Variants in SEC22A observed in about 807,000 individuals in gnomAD.
The protein encoded by SEC22A is vesicle-trafficking protein SEC22a.
In SEC22A, 22 loss-of-function variants were observed where a neutral mutation model predicts 35.3. That is an observed-to-expected ratio of 0.62 (90% CI 0.45 to 0.89). SEC22A has a LOEUF of 0.89. Ranked by LOEUF, SEC22A falls within the 40% of genes least tolerant of loss-of-function variation. The probability of loss-of-function intolerance (pLI) is 0.00; values close to 1 mark genes in which losing one functional copy is unlikely to be tolerated. For synonymous variants in SEC22A, 119 were observed against 129.5 expected (o/e 0.92, Z 0.55); for missense variants, 354 against 362.5 (o/e 0.98, Z 0.19).
chr3:123,256,476 C>G (rs1259163842), intron 5 of SEC22A, among the ~76,000 whole-genome samples: 1 of 152,166 alleles, frequency 6.6e-6, no homozygotes, highest in Admixed American at 6.5e-5. Flanking sequence ...CTCTTTGACA[C>G]TGTACGCACT....
At chr3:123,256,166 G>A (rs1937726460) in intron 5 of SEC22A, among the ~76,000 whole-genome samples, 1 of 151,984 alleles carries the variant, frequency 6.6e-6, no homozygotes, top group African/African-American at 2.4e-5. Flanking sequence ...CTCTAATCTA[G>A]GAGCTAATCA....
At chr3:123,232,574 C>G (rs538342966) in intron 4 of SEC22A, among the ~76,000 whole-genome samples, 77 of 152,278 alleles carry the variant, frequency 5.1e-4, no homozygotes, top group African/African-American at 1.7e-3. Context: ...GGGCCAGATG[C>G]TGTGGCTCAC....
At chr3:123,234,243 G>A (rs772206683) in intron 4 of SEC22A, among the ~76,000 whole-genome samples, 1 of 152,216 alleles carries the variant, frequency 6.6e-6, no homozygotes, top group Middle Eastern at 3.4e-3. Flanking sequence ...TAAAAATCCC[G>A]GCTTTTTTTG....
At chr3:123,255,464 T>G (rs977155103) in intron 5 of SEC22A, among the ~76,000 whole-genome samples, 4 of 151,986 alleles carry the variant, frequency 2.6e-5, no homozygotes, top group Non-Finnish European at 5.9e-5. Flanking sequence ...CACATACATT[T>G]ATACATACAC....
chr3:123,270,761 G>C (rs1459838720), intron 6 of SEC22A, among the ~76,000 whole-genome samples: 3 of 152,206 alleles, frequency 2.0e-5, no homozygotes, highest in African/African-American at 7.2e-5. Flanking sequence ...GGAGCGGTGA[G>C]AGGGGGAGTA....
rs1387219483 is a variant in SEC22A, at chr3:123,272,062, G to A, written c.*340G>A. Reference sequence around the variant, plus strand: ...AGATGTGGTATTGCTCTGAGGACCAGGCAGGAGGAACTCTACAACCTGAGT... The same window carrying A: ...AGATGTGGTATTGCTCTGAGGACCAAGCAGGAGGAACTCTACAACCTGAGT... On this transcript the variant is annotated 3_prime_UTR_variant, in exon 7 of 7. Coordinates refer to ENST00000492595, the MANE Select transcript of SEC22A (RefSeq NM_012430.5). 6 of 254,878 alleles carry A rather than the reference G, an allele frequency of 2.4e-5. No homozygotes were observed. Among genetic ancestry groups the A allele is most frequent in the Admixed American group, 5.0e-5 (1 of 20,154 alleles). 15.8% of individuals were successfully genotyped at this position (254,878 alleles called of 1,614,324 possible). A position where few individuals can be genotyped will look rare whatever the true frequency, so the allele number is the denominator to read the frequency against.
At chr3:123,251,978 A>G (rs1937619389) in intron 5 of SEC22A, among the ~76,000 whole-genome samples, 1 of 152,224 alleles carries the variant, frequency 6.6e-6, no homozygotes, top group African/African-American at 2.4e-5. Context: ...AAGTGTCAGA[A>G]TGTAAATGGA....
intron 5 of SEC22A, among the ~76,000 whole-genome samples, chr3:123,253,050 A>G (rs1937633513): frequency 6.6e-6 from 1 of 152,214 alleles, no homozygotes; most frequent in Non-Finnish European, 1.5e-5. Flanking sequence ...ACCTTGAAAC[A>G]ATTACATTAA....
chr3:123,244,348 G>T (rs1937549839), intron 4 of SEC22A, among the ~76,000 whole-genome samples: 1 of 152,156 alleles, frequency 6.6e-6, no homozygotes, highest in Non-Finnish European at 1.5e-5. Context: ...AACGCCAGCT[G>T]TCCTTCAGCA....
intron 5 of SEC22A, among the ~76,000 whole-genome samples, chr3:123,246,404 G>A (rs1194379249): frequency 6.6e-6 from 1 of 152,188 alleles, no homozygotes; most frequent in Non-Finnish European, 1.5e-5. Context: ...AGTTGAACTG[G>A]TCCTGGAAAG....
chr3:123,265,688 C>T (rs188010754), intron 6 of SEC22A, among the ~76,000 whole-genome samples: 2 of 152,090 alleles, frequency 1.3e-5, no homozygotes, highest in East Asian at 1.9e-4. Flanking sequence ...TTATATTTTA[C>T]GTTTGTGATC....
chr3:123,264,722 G>A (rs769889682), intron 6 of SEC22A, among the ~76,000 whole-genome samples: 5 of 151,364 alleles, frequency 3.3e-5, no homozygotes, highest in African/African-American at 9.7e-5. Flanking sequence ...TCCACCTCCC[G>A]GGTTTAAGTG....
chr3:123,236,580 A>C (rs1227139967), intron 4 of SEC22A, among the ~76,000 whole-genome samples: 1 of 152,120 alleles, frequency 6.6e-6, no homozygotes, highest in Non-Finnish European at 1.5e-5. Flanking sequence ...ATATGGGTGA[A>C]CTTAGTTTTG....
chr3:123,260,893 T>C (rs2108100394), intron 6 of SEC22A, among the ~76,000 whole-genome samples: 1 of 151,160 alleles, frequency 6.6e-6, no homozygotes, highest in Non-Finnish European at 1.5e-5. Context: ...TGGAGTGCAG[T>C]TGTGCGATCT....
chr3:123,241,900 A>G (rs1409294680), intron 4 of SEC22A, among the ~76,000 whole-genome samples: 5 of 151,944 alleles, frequency 3.3e-5, no homozygotes, highest in East Asian at 1.9e-4. Flanking sequence ...CAAACATTGC[A>G]TGTTCTCACT....
chr3:123,219,833 AGTG>A (rs1937091646), intron 2 of SEC22A, among the ~76,000 whole-genome samples: 1 of 152,174 alleles, frequency 6.6e-6, no homozygotes, highest in Non-Finnish European at 1.5e-5. Context: ...TCCTCAGTGA[AGTG>A]GTGGGAGTAT....
chr3:123,258,314 T>C (rs760292676), intron 5 of SEC22A, among the ~76,000 whole-genome samples: 3 of 152,170 alleles, frequency 2.0e-5, no homozygotes, highest in Non-Finnish European at 4.4e-5. Flanking sequence ...CCCAGAGTTG[T>C]GGCATTTATA....
intron 4 of SEC22A, among the ~76,000 whole-genome samples, chr3:123,227,026 C>T (rs1937227671): frequency 6.6e-6 from 1 of 152,148 alleles, no homozygotes; most frequent in Admixed American, 6.5e-5. Flanking sequence ...GGCCAGTGTT[C>T]TTGACTGTCA....
chr3:123,248,205 T>C (rs1937581791), intron 5 of SEC22A, among the ~76,000 whole-genome samples: 1 of 152,162 alleles, frequency 6.6e-6, no homozygotes, highest in Non-Finnish European at 1.5e-5. Flanking sequence ...GAAGTTCTAA[T>C]TGATGCAATA....
Sources: allele counts gnomAD v4.1 joint callset (sites outside exome capture counted in the v4.1 genomes callset), GRCh38; gene constraint gnomAD v4.1.1; transcripts MANE v1.5; gene names NCBI Gene and HGNC (gene_info 2026-07-23, HGNC 2026-07-21).